Variants in GRM5 observed in about 807,000 individuals in gnomAD.
The protein encoded by GRM5 is metabotropic glutamate receptor 5.
A neutral mutation model predicts 83.1 loss-of-function variants in GRM5; 19 were observed. That is an observed-to-expected ratio of 0.23 (90% CI 0.16 to 0.34). The LOEUF is 0.34. Among genes scored for constraint, GRM5 ranks in the 10% least tolerant of loss-of-function variants. GRM5 has a pLI of 1.00. For synonymous variants in GRM5, 675 were observed against 633.6 expected (o/e 1.07, Z -0.98); for missense variants, 1,160 against 1,588.3 (o/e 0.73, Z 4.58).
At chr11:88,715,480 C>CTAAG (rs1941380967) in intron 3 of GRM5, among the ~76,000 whole-genome samples, 1 of 151,730 alleles carries the variant, frequency 6.6e-6, no homozygotes, top group Admixed American at 6.6e-5. Context: ...TTACTGATTT[C>CTAAG]TAAGTTATCT....
chr11:88,546,492 C>T (rs1942387953), intron 8 of GRM5, among the ~76,000 whole-genome samples: 2 of 151,882 alleles, frequency 1.3e-5, no homozygotes, highest in Non-Finnish European at 1.5e-5. Flanking sequence ...TTTTGCTTTG[C>T]TTTATGTTTA....
At chr11:89,034,372 C>T (rs545096412) in intron 2 of GRM5, among the ~76,000 whole-genome samples, 19 of 151,840 alleles carry the variant, frequency 1.3e-4, no homozygotes, top group Non-Finnish European at 2.1e-4. Flanking sequence ...AACAAAAACA[C>T]GACACAATTT....
intron 2 of GRM5, among the ~76,000 whole-genome samples, chr11:88,896,611 A>T (rs1441474603): frequency 2.6e-5 from 4 of 151,910 alleles, no homozygotes; most frequent in Non-Finnish European, 4.4e-5. Flanking sequence ...GAAGAAGACC[A>T]GTGGTGCAGT....
intron 8 of GRM5, among the ~76,000 whole-genome samples, chr11:88,528,060 T>C (rs545328675): frequency 6.6e-6 from 1 of 151,698 alleles, no homozygotes; most frequent in African/African-American, 2.4e-5. Flanking sequence ...AAAACAAACC[T>C]GCACATATAC....
At chr11:88,675,803 C>T (rs1940312771) in intron 3 of GRM5, among the ~76,000 whole-genome samples, 1 of 152,042 alleles carries the variant, frequency 6.6e-6, no homozygotes, top group Non-Finnish European at 1.5e-5. Flanking sequence ...GTGTAATAGG[C>T]ATTCTGTAAA....
intron 3 of GRM5, among the ~76,000 whole-genome samples, chr11:88,724,055 A>C (rs879429049): frequency 7.2e-5 from 11 of 152,140 alleles, no homozygotes; most frequent in Non-Finnish European, 1.5e-4. Flanking sequence ...CTCTTAGGAG[A>C]TAGTTCAAAT....
chr11:88,608,755 C>T (rs746105819), intron 4 of GRM5, among the ~76,000 whole-genome samples: 13 of 151,972 alleles, frequency 8.6e-5, no homozygotes, highest in Non-Finnish European at 1.6e-4. Flanking sequence ...CTCCTGACCT[C>T]GTGATTGGCC....
chr11:88,979,937 C>G (rs1300098927), intron 2 of GRM5, among the ~76,000 whole-genome samples: 1 of 152,058 alleles, frequency 6.6e-6, no homozygotes, highest in African/African-American at 2.4e-5. Context: ...TCACATTGGC[C>G]TAACCAGGGC....
At chr11:88,841,202 C>G (rs1481780265) in intron 3 of GRM5, among the ~76,000 whole-genome samples, 2 of 152,170 alleles carry the variant, frequency 1.3e-5, no homozygotes, top group Non-Finnish European at 1.5e-5. Flanking sequence ...GACTTTGACA[C>G]ACATTAAAAA....
chr11:88,744,025 G>C (rs1189994795), intron 3 of GRM5, among the ~76,000 whole-genome samples: 1 of 152,106 alleles, frequency 6.6e-6, no homozygotes, highest in Non-Finnish European at 1.5e-5. Context: ...CCACAGATTT[G>C]TGAAGTTAAT....
At chr11:88,648,031 C>T (rs373296769) in intron 4 of GRM5, among the ~76,000 whole-genome samples, 6 of 151,506 alleles carry the variant, frequency 4.0e-5, no homozygotes, top group Admixed American at 2.6e-4. Context: ...TGTGGAGAAA[C>T]AGGAACACTT....
intron 8 of GRM5, among the ~76,000 whole-genome samples, chr11:88,529,380 A>T (rs112865602): frequency 6.6e-6 from 1 of 151,466 alleles, no homozygotes; most frequent in Non-Finnish European, 1.5e-5. Context: ...GTGAGATATG[A>T]TACGTAAGAC....
At chr11:88,698,856 A>C (rs538829939) in intron 3 of GRM5, among the ~76,000 whole-genome samples, 3 of 151,894 alleles carry the variant, frequency 2.0e-5, no homozygotes, top group Non-Finnish European at 1.5e-5. Flanking sequence ...TTCATTAAGC[A>C]TAATATTTGT....
rs577865034 is a variant in GRM5, at chr11:88,950,271, A to G, written c.661+96941T>C. On this transcript the variant is annotated intron_variant, in intron 2 of 9. Coordinates refer to ENST00000305447, the MANE Select transcript of GRM5 (RefSeq NM_001143831.3). ...TAGAAAAATACCAGGAATATGTTCT[A>G]TGCTGTACTGTTAATTGAAAAAAAA... Among the ~76,000 whole-genome samples the G allele has an allele frequency of 7.2e-5, 11 of 152,112 alleles. No individual in the cohort carries two copies. The South Asian group carries it at 2.3e-3, about 32-fold the overall frequency.
intron 2 of GRM5, among the ~76,000 whole-genome samples, chr11:88,906,280 G>T (rs1376303723): frequency 1.3e-5 from 2 of 152,120 alleles, no homozygotes; most frequent in Admixed American, 6.6e-5. Context: ...ACAACAGAGG[G>T]CAACTAAAAC....
intron 2 of GRM5, among the ~76,000 whole-genome samples, chr11:89,034,956 G>A (rs182785339): frequency 4.8e-4 from 71 of 148,394 alleles, no homozygotes; most frequent in Admixed American, 4.6e-3. Flanking sequence ...TTTAGCATAT[G>A]TATTTTAATA....
intron 2 of GRM5, among the ~76,000 whole-genome samples, chr11:88,997,333 T>TA (rs371168643): frequency 0.66 from 79,591 of 119,806 alleles, 25,129 homozygotes; most frequent in African/African-American, 0.81. Context: ...GTCTCAAAAT[T>TA]AAAAAAAAAA....
chr11:88,980,480 A>G (rs970960815), intron 2 of GRM5, among the ~76,000 whole-genome samples: 2 of 152,176 alleles, frequency 1.3e-5, no homozygotes, highest in African/African-American at 2.4e-5. Context: ...AGTTAGTTTA[A>G]TTAAATAAAA....
intron 3 of GRM5, among the ~76,000 whole-genome samples, chr11:88,813,932 C>G (rs1048161839): frequency 6.6e-6 from 1 of 151,674 alleles, no homozygotes; most frequent in Non-Finnish European, 1.5e-5. Context: ...AATACTTTCC[C>G]TGATTAACCA....
Sources: gnomAD v4.1 joint callset for allele counts (sites outside exome capture counted in the v4.1 genomes callset) on GRCh38, gnomAD v4.1.1 for gene constraint, MANE v1.5 for transcripts, NCBI Gene and HGNC (gene_info 2026-07-23, HGNC 2026-07-21) for gene names.